The following WDR35 variants were observed in gnomAD, a reference collection of about 807,000 sequenced individuals.
WDR35 encodes WD repeat-containing protein 35.
A neutral mutation model predicts 158.3 loss-of-function variants in WDR35; 118 were observed. The ratio of observed to expected loss-of-function variants is 0.75; its 90% CI spans 0.64 to 0.87. The LOEUF is 0.87. WDR35 is among the 40% of genes least tolerant of loss of function. The pLI, the probability that WDR35 is intolerant of heterozygous loss-of-function variation, is 0.00. For synonymous variants in WDR35, 448 were observed against 476.1 expected (o/e 0.94, Z 0.77); for missense variants, 1,263 against 1,405.8 (o/e 0.90, Z 1.62).
Position 19,911,938 on chromosome 2 carries a change from C to A in WDR35, c.*1620G>T, listed in dbSNP as rs1018252377. On this transcript the variant is annotated 3_prime_UTR_variant, in exon 27 of 27. Transcript: ENST00000281405. ...CTATTGCTGTGGTGAAGTGTACTTG[C>A]CCCTGACACCCTTCTATAGAGCAAG... 2.0e-5 allele frequency: 3 copies of A among 152,178 alleles called. No individual in the cohort carries two copies. Among genetic ancestry groups the A allele is most frequent in the African/African-American group, 7.2e-5 (3 of 41,426 alleles). The allele number at this position is 152,178 out of a possible 1,614,324, so 9.4% of individuals were successfully genotyped here.
intron 25 of WDR35, among the ~76,000 whole-genome samples, chr2:19,924,133 C>G (rs1008665594): frequency 6.6e-6 from 1 of 152,154 alleles, no homozygotes; most frequent in Non-Finnish European, 1.5e-5. Flanking sequence ...TGCCATAGAA[C>G]AGCTTAGAGG....
In WDR35 at chr2:19,937,797, C is replaced by T. The variant is rs999628676; in HGVS notation, c.2213G>A (p.Gly738Asp). The stretch of plus-strand genomic sequence containing the variant: ...AGCCTCTTCAAACCTGCCGAAGTAG[C>T]CAACAACTTCAGCCTGTTTCATTGA... Reference protein sequence around the residue: ...SESMKQAEVVGYFGRFEEAER... With the variant: ...SESMKQAEVVDYFGRFEEAER... Residue 738 changes from glycine to aspartate, a missense_variant, in exon 19 of 27, where the codon GGC becomes GAC. By Grantham distance (94) the Gly-to-Asp change is moderately conservative. Transcript: ENST00000281405. The T allele has an allele frequency of 1.2e-6, 2 of 1,614,034 alleles. No homozygotes were observed. The highest frequency in any genetic ancestry group is 1.7e-6 in the Non-Finnish European group (2 of 1,180,010).
intron 25 of WDR35, among the ~76,000 whole-genome samples, chr2:19,923,665 C>T (rs1171076429): frequency 3.9e-5 from 6 of 152,242 alleles, no homozygotes; most frequent in East Asian, 1.9e-4. Context: ...AGTGACTGTT[C>T]GAACAGCACC....
intron 2 of WDR35, among the ~76,000 whole-genome samples, chr2:19,987,016 C>T (rs1390761339): frequency 6.6e-6 from 1 of 152,124 alleles, no homozygotes; most frequent in Non-Finnish European, 1.5e-5. Flanking sequence ...ATGTCCAATA[C>T]TAAAATTGGT....
chr2:19,990,097 C>T lies in WDR35; in HGVS notation c.-82G>A. ...CTACGTCTCCAATCGGGAGTACCAG[C>T]AGCTCCGGAAAGCTCCCGTCGCCCT... On this transcript the variant is annotated 5_prime_UTR_variant, in exon 1 of 27. Coordinates refer to ENST00000281405, the MANE Select transcript of WDR35 (RefSeq NM_020779.4). 1.3e-6 allele frequency: 2 copies of T among 1,577,454 alleles called. No individual in the cohort carries two copies. Among genetic ancestry groups the T allele is most frequent in the South Asian group, 1.1e-5 (1 of 87,064 alleles).
intron 9 of WDR35, among the ~76,000 whole-genome samples, chr2:19,967,664 A>G (rs1671901033): frequency 6.6e-6 from 1 of 152,100 alleles, no homozygotes; most frequent in African/African-American, 2.4e-5. Context: ...ATTCAAACAA[A>G]CTAAGCTAAA....
In WDR35 at chr2:19,969,533, C is replaced by A; in HGVS notation, c.955G>T (p.Ala319Ser). 1.2e-6 allele frequency: 2 copies of A among 1,613,808 alleles called. No individual in the cohort carries two copies. The highest frequency in any genetic ancestry group is 1.7e-6 in the Non-Finnish European group (2 of 1,179,848). Residue 319 changes from alanine (A) to serine (S), a missense_variant, in exon 9 of 27, where the codon GCA (alanine) becomes TCA (serine). Coordinates refer to ENST00000281405, the MANE Select transcript of WDR35 (RefSeq NM_020779.4). ...TATATAAAGGAATCAACAGCTAGTG[C>A]AATTTTCAGTCCACCTCCTTCCCAA... is the stretch of plus-strand genomic sequence containing the variant. Reference protein sequence around the residue: ...LSWEGGGLKIALAVDSFIYFA... With the variant: ...LSWEGGGLKISLAVDSFIYFA...
intron 14 of WDR35, among the ~76,000 whole-genome samples, chr2:19,946,937 T>G (rs905061892): frequency 2.6e-5 from 4 of 152,312 alleles, no homozygotes; most frequent in Non-Finnish European, 4.4e-5. Context: ...CTTGTTGAGT[T>G]AAATTACATA....
At position 19,968,579 on chromosome 2, in the gene WDR35, G is replaced by A. The variant is rs140655548; in HGVS notation, c.1008+901C>T. 2.1e-3 allele frequency among the ~76,000 whole-genome samples: 314 copies of A among 152,250 alleles called. 4 individuals are homozygous for A. In the East Asian group the frequency reaches 0.021, roughly 10 times the overall value. ...GCCATTGGGAGGCTCTTTCAGCAAT[G>A]TCCTTTTGACATTTCCCCATCCTTT... is the stretch of plus-strand genomic sequence containing the variant. On this transcript the variant is annotated intron_variant, in intron 9 of 26. Coordinates refer to ENST00000281405, the MANE Select transcript of WDR35 (RefSeq NM_020779.4).
Position 19,912,189 on chromosome 2 carries a change from T to G in WDR35, c.*1369A>C, listed in dbSNP as rs1669860279. 6.6e-6 allele frequency: 1 copy of G among 152,258 alleles called. No homozygotes were observed. Among genetic ancestry groups the G allele is most frequent in the African/African-American group, 2.4e-5 (1 of 41,476 alleles). The allele number at this position is 152,258 out of a possible 1,614,324, so 9.4% of individuals were successfully genotyped here. A position where few individuals can be genotyped will look rare whatever the true frequency, so the allele number is the denominator to read the frequency against. ...TCTATCATTGCTTTCTCCTTGTTCCTCACTGTGTATTGCAAATTGGTTCAA... is the reference window on the plus strand; with the variant it reads ...TCTATCATTGCTTTCTCCTTGTTCCGCACTGTGTATTGCAAATTGGTTCAA... On this transcript the variant is annotated 3_prime_UTR_variant, in exon 27 of 27. Coordinates refer to ENST00000281405, the MANE Select transcript of WDR35 (RefSeq NM_020779.4).
intron 10 of WDR35, 58 bp downstream of exon 10, chr2:19,966,666 A>G: frequency 2.5e-6 from 4 of 1,588,354 alleles, no homozygotes; most frequent in Non-Finnish European, 2.6e-6. Context: ...GAAAAGGTAG[A>G]AAACTATAAC....
At position 19,930,560 on chromosome 2, in the gene WDR35, T is replaced by C. The variant is rs1558327566; in HGVS notation, c.2965-8A>G. 6 of 1,613,832 alleles carry C rather than the reference T, an allele frequency of 3.7e-6. No individual in the cohort carries two copies. The highest frequency in any genetic ancestry group is 5.1e-6 in the Non-Finnish European group (6 of 1,180,004). The stretch of plus-strand genomic sequence containing the variant: ...AGCCAAGGCAGAAGTGGCCTACGAG[T>C]AAAGTCAGCCCACACTTTCCGTCAG... On this transcript the variant is annotated splice_polypyrimidine_tract_variant and splice_region_variant and intron_variant, in intron 24 of 26. Coordinates refer to ENST00000281405, the MANE Select transcript of WDR35 (RefSeq NM_020779.4).
Position 19,953,932 on chromosome 2 carries a change from C to G in WDR35, c.1302G>C (p.Ser434=). ...ATTGCCAGGTATAAAATGCTTCTTT[C>G]GAGGCTGCTATCACATGGGTTTTGG... ...AMTKTHVIAA[S]KEAFYTWQYR... Residue 434 remains serine (S), a synonymous_variant, in exon 12 of 27, where the codon TCG becomes TCC. Coordinates refer to ENST00000281405, the MANE Select transcript of WDR35 (RefSeq NM_020779.4). The G allele has an allele frequency of 6.2e-7, 1 of 1,614,094 alleles. No individual in the cohort carries two copies. The highest frequency in any genetic ancestry group is 8.5e-7 in the Non-Finnish European group (1 of 1,180,000).
At chr2:19,919,058 A>G (rs781670878) in intron 25 of WDR35, among the ~76,000 whole-genome samples, 1 of 152,224 alleles carries the variant, frequency 6.6e-6, no homozygotes, top group Non-Finnish European at 1.5e-5. Flanking sequence ...CTCAGACCAC[A>G]GTGCAATCAA....
Position 19,913,395 on chromosome 2 carries a change from A to T in WDR35, c.*163T>A. On this transcript the variant is annotated 3_prime_UTR_variant, in exon 27 of 27. Coordinates refer to ENST00000281405, the MANE Select transcript of WDR35 (RefSeq NM_020779.4). ...TATTATTTCACAGTTGTATTGCCAT[A>T]AAAATTATTTTATTAACATATATTT... is the stretch of plus-strand genomic sequence containing the variant. The T allele has an allele frequency of 2.5e-6, 2 of 805,294 alleles. No individual in the cohort carries two copies. The highest frequency in any genetic ancestry group is 3.7e-6 in the Non-Finnish European group (2 of 540,002). 49.9% of individuals were successfully genotyped at this position (805,294 alleles called of 1,614,324 possible).
chr2:19,984,880 T>G (rs1326119624), intron 2 of WDR35, among the ~76,000 whole-genome samples: 4 of 152,242 alleles, frequency 2.6e-5, no homozygotes, highest in African/African-American at 9.6e-5. Context: ...AAGACTGTTT[T>G]GCAACACATA....
chr2:19,940,174 C>T (rs1572332250), intron 17 of WDR35, among the ~76,000 whole-genome samples: 1 of 108,358 alleles, frequency 9.2e-6, no homozygotes, highest in Non-Finnish European at 1.8e-5. Context: ...ACCAACATGG[C>T]AAACCCCATC....
At chr2:19,943,767 A>G (rs965002651) in intron 16 of WDR35, among the ~76,000 whole-genome samples, 12 of 152,128 alleles carry the variant, frequency 7.9e-5, no homozygotes, top group African/African-American at 2.9e-4. Context: ...GGAGATGAAA[A>G]TGATCAAGCA....
At chr2:19,958,657 A>C (rs1169990315) in intron 11 of WDR35, among the ~76,000 whole-genome samples, 1 of 152,224 alleles carries the variant, frequency 6.6e-6, no homozygotes, top group Non-Finnish European at 1.5e-5. Flanking sequence ...GGGCCAAGGC[A>C]GTGTTAGGTC....
Sources: gnomAD v4.1 joint callset for allele counts (sites outside exome capture counted in the v4.1 genomes callset) on GRCh38, gnomAD v4.1.1 for gene constraint, MANE v1.5 for transcripts, NCBI Gene and HGNC (gene_info 2026-07-23, HGNC 2026-07-21) for gene names.